The following CD84 variants were observed in gnomAD, a reference collection of about 807,000 sequenced individuals.
CD84 encodes the protein SLAM family member 5.
A neutral mutation model predicts 33.8 loss-of-function variants in CD84; 22 were observed. That is an observed-to-expected ratio of 0.65 (90% CI 0.46 to 0.93). The LOEUF (loss-of-function observed/expected upper bound fraction) is 0.93, where lower values mean the gene tolerates loss of function less well. Among genes scored for constraint, CD84 ranks in the 40% least tolerant of loss-of-function variants. The probability of loss-of-function intolerance (pLI) is 0.00; values close to 1 mark genes in which losing one functional copy is unlikely to be tolerated. For synonymous variants in CD84, 154 were observed against 145.2 expected (o/e 1.06, Z -0.44); for missense variants, 400 against 397.6 (o/e 1.01, Z -0.05).
At chr1:160,562,876 G>GA (rs1657079843) in intron 2 of CD84, among the ~76,000 whole-genome samples, 1 of 150,106 alleles carries the variant, frequency 6.7e-6, no homozygotes, top group Non-Finnish European at 1.5e-5. Flanking sequence ...AACGTTTAAG[G>GA]AAAAAACAAA....
rs59102444 is a variant in CD84 at position 160,553,261 on chromosome 1, G to A, written c.760+117C>T. Reference sequence around the variant, plus strand: ...TCTGGGAGGTGGTGGGGTGGAGATCGGAAAAAGGCAGATTCCCTGGAACAA... The same window carrying A: ...TCTGGGAGGTGGTGGGGTGGAGATCAGAAAAAGGCAGATTCCCTGGAACAA... On this transcript the variant is annotated intron_variant, in intron 4 of 6. Coordinates refer to ENST00000368054, the MANE Select transcript of CD84 (RefSeq NM_003874.4). 77 of 1,550,944 alleles carry A rather than the reference G, an allele frequency of 5.0e-5. No individual in the cohort carries two copies. The East Asian group carries it at 8.2e-4, about 17-fold the overall frequency.
chr1:160,572,576 T>TG (rs61391369), intron 1 of CD84, among the ~76,000 whole-genome samples: 6,867 of 149,936 alleles, frequency 0.046, 194 homozygotes, highest in African/African-American at 0.075. Flanking sequence ...ATGTAAAAAT[T>TG]GGGGGGGGGA....
intron 1 of CD84, among the ~76,000 whole-genome samples, chr1:160,574,920 TA>T (rs1657904011): frequency 6.6e-6 from 1 of 152,090 alleles, no homozygotes; most frequent in Non-Finnish European, 1.5e-5. Context: ...GTAAAACAAA[TA>T]AACATCTTCA....
chr1:160,543,563 C>G lies in CD84; in HGVS notation c.*4693G>C, dbSNP rs551353748. Reference sequence around the variant, plus strand: ...TATACAAAATAAGCCCTCAATGATTCTTACAGGCTCCCTATCTTCAAGGAG... The same window carrying G: ...TATACAAAATAAGCCCTCAATGATTGTTACAGGCTCCCTATCTTCAAGGAG... On this transcript the variant is annotated 3_prime_UTR_variant, in exon 7 of 7. Coordinates refer to ENST00000368054, the MANE Select transcript of CD84 (RefSeq NM_003874.4). 4 of 151,222 alleles carry G rather than the reference C, an allele frequency of 2.6e-5. No individual in the cohort carries two copies. Among genetic ancestry groups the G allele is most frequent in the African/African-American group, 9.7e-5 (4 of 41,316 alleles). 9.4% of individuals were successfully genotyped at this position (151,222 alleles called of 1,614,324 possible).
At chr1:160,560,625 G>C (rs1456024136) in intron 2 of CD84, among the ~76,000 whole-genome samples, 2 of 152,002 alleles carry the variant, frequency 1.3e-5, no homozygotes, top group Non-Finnish European at 2.9e-5. Context: ...GCTAGCAGAA[G>C]ATGAGAAATA....
intron 4 of CD84, chr1:160,552,747 C>T: frequency 6.5e-7 from 1 of 1,544,826 alleles, no homozygotes; most frequent in East Asian, 2.4e-5. Context: ...CCTGAGGAAT[C>T]AGACCCAAAG....
intron 1 of CD84, among the ~76,000 whole-genome samples, chr1:160,572,823 G>A (rs1325896291): frequency 6.6e-6 from 1 of 152,174 alleles, no homozygotes; most frequent in Non-Finnish European, 1.5e-5. Flanking sequence ...TGGGGTGCAG[G>A]CTTAGATGGA....
chr1:160,560,084 A>G (rs1322234068), intron 2 of CD84, among the ~76,000 whole-genome samples: 1 of 152,166 alleles, frequency 6.6e-6, no homozygotes, highest in Non-Finnish European at 1.5e-5. Flanking sequence ...TAGACAGACC[A>G]TTAAGGCAGA....
rs1196316119 is a variant in CD84 at position 160,542,184 on chromosome 1, C to T, written c.*6072G>A. On this transcript the variant is annotated 3_prime_UTR_variant, in exon 7 of 7. Transcript: ENST00000368054. ...TACTGTGATTCAGCCTTAAAGACTT[C>T]ACCTTTCTGTGACCCAGTTTCCTAC... is the stretch of plus-strand genomic sequence containing the variant. 6.6e-6 allele frequency: 1 copy of T among 152,238 alleles called. No homozygotes were observed. The highest frequency in any genetic ancestry group is 2.4e-5 in the African/African-American group (1 of 41,460). 9.4% of individuals were successfully genotyped at this position (152,238 alleles called of 1,614,324 possible).
chr1:160,549,556 T>C (rs1454811622), intron 6 of CD84, among the ~76,000 whole-genome samples: 2 of 152,202 alleles, frequency 1.3e-5, no homozygotes, highest in Non-Finnish European at 2.9e-5. Context: ...GCATCTGGCA[T>C]GGGCCTGTGT....
intron 1 of CD84, among the ~76,000 whole-genome samples, chr1:160,572,654 C>G (rs80240315): frequency 0.037 from 5,683 of 152,100 alleles, 175 homozygotes; most frequent in African/African-American, 0.075. Context: ...TGTTTGCTAA[C>G]TACCCTTGAG....
In CD84 at chr1:160,548,284, C is replaced by CCAGG; in HGVS notation, c.955_958dup (p.Gly320AlafsTer7). 1 of 1,614,128 alleles carries CCAGG rather than the reference C, an allele frequency of 6.2e-7. No individual in the cohort carries two copies. The highest frequency in any genetic ancestry group is 8.5e-7 in the Non-Finnish European group (1 of 1,180,018). ...GATCACAATTTCATAGCTTGAAGTC[C>CCAGG]CAGGAGGTTTACTGTCCTGTGTGCT... On this transcript the variant is annotated frameshift_variant, in exon 7 of 7. Transcript: ENST00000368054. LOFTEE classifies it high-confidence loss of function.
intron 2 of CD84, among the ~76,000 whole-genome samples, chr1:160,562,304 C>G (rs1657025315): frequency 6.6e-6 from 1 of 152,128 alleles, no homozygotes; most frequent in Non-Finnish European, 1.5e-5. Context: ...CTGGAGGCAT[C>G]ACACTACCCA....
In CD84 at chr1:160,545,608, G is replaced by A. The variant is rs544476512; in HGVS notation, c.*2648C>T. Reference sequence around the variant, plus strand: ...CTTTACACTAGGAACAGCCTCTGATGTATGCATCCTGATATTATTTTATTT... The same window carrying A: ...CTTTACACTAGGAACAGCCTCTGATATATGCATCCTGATATTATTTTATTT... On this transcript the variant is annotated 3_prime_UTR_variant, in exon 7 of 7. Transcript: ENST00000368054. 1 of 152,046 alleles carries A rather than the reference G, an allele frequency of 6.6e-6. No homozygotes were observed. The highest frequency in any genetic ancestry group is 1.5e-5 in the Non-Finnish European group (1 of 68,002). 9.4% of individuals were successfully genotyped at this position (152,046 alleles called of 1,614,324 possible).
intron 2 of CD84, among the ~76,000 whole-genome samples, chr1:160,564,399 T>C (rs1165504493): frequency 6.6e-6 from 1 of 152,166 alleles, no homozygotes; most frequent in East Asian, 1.9e-4. Flanking sequence ...TATCATAAAA[T>C]TACATTCTTG....
At chr1:160,574,417 G>C (rs1234229471) in intron 1 of CD84, among the ~76,000 whole-genome samples, 1 of 152,168 alleles carries the variant, frequency 6.6e-6, no homozygotes, top group Non-Finnish European at 1.5e-5. Flanking sequence ...TAGGAAACAT[G>C]TTTGAGTCTA....
At chr1:160,557,524 T>C (rs1656685736) in intron 2 of CD84, among the ~76,000 whole-genome samples, 1 of 152,242 alleles carries the variant, frequency 6.6e-6, no homozygotes, top group Non-Finnish European at 1.5e-5. Flanking sequence ...CCCACATTTC[T>C]GTGTTTTTCT....
intron 1 of CD84, among the ~76,000 whole-genome samples, chr1:160,568,960 AT>A (rs553336514): frequency 5.0e-4 from 76 of 152,314 alleles, no homozygotes; most frequent in African/African-American, 1.8e-3. Flanking sequence ...TAATTATGCT[AT>A]TTGTCCTGTT....
At position 160,565,406 on chromosome 1, in the gene CD84, T is replaced by C; in HGVS notation, c.386A>G (p.Tyr129Cys). Reference sequence around the variant, plus strand: ...CTCTCCGTCTTCCCATGACTTACGATAGATTTGCAGGTTGTAGCGCTTGGT... The same window carrying C: ...CTCTCCGTCTTCCCATGACTTACGACAGATTTGCAGGTTGTAGCGCTTGGT... ...TTTKRYNLQIYRRLGKPKITQ... is the reference protein window; with the variant it reads ...TTTKRYNLQICRRLGKPKITQ... The change falls in exon 2 of 7, where the codon TAT (tyrosine) becomes TGT (cysteine). Residue 129 changes from tyrosine (Y) to cysteine (C), a missense_variant and splice_region_variant. Coordinates refer to ENST00000368054, the MANE Select transcript of CD84 (RefSeq NM_003874.4). 6.3e-7 allele frequency: 1 copy of C among 1,589,850 alleles called. No individual in the cohort carries two copies. The highest frequency in any genetic ancestry group is 8.6e-7 in the Non-Finnish European group (1 of 1,167,014).
Sources: allele counts gnomAD v4.1 joint callset (sites outside exome capture counted in the v4.1 genomes callset), GRCh38; gene constraint gnomAD v4.1.1; transcripts MANE v1.5; gene names NCBI Gene and HGNC (gene_info 2026-07-23, HGNC 2026-07-21).